CRTC1: variants seen among roughly 807,000 people sequenced by gnomAD.
CRTC1 encodes CREB regulated transcription coactivator 1, also known as CREB-regulated transcription coactivator 1.
CRTC1 carries 18 observed loss-of-function variants against 66.1 expected under a neutral mutation model. The observed-to-expected ratio is 0.27, with a 90% confidence interval of 0.19 to 0.40. The LOEUF (loss-of-function observed/expected upper bound fraction) is 0.40, where lower values mean the gene tolerates loss of function less well. Among genes scored for constraint, CRTC1 ranks in the 10% least tolerant of loss-of-function variants. CRTC1 has a pLI of 1.00. For missense variants in CRTC1, 669 were observed against 887.9 expected (o/e 0.75, Z 3.13); for synonymous variants, 416 against 398.8 (o/e 1.04, Z -0.51).
chr19:18,766,052 A>G (rs2054727552), intron 9 of CRTC1, among the ~76,000 whole-genome samples: 1 of 151,782 alleles, frequency 6.6e-6, no homozygotes, highest in African/African-American at 2.4e-5. Flanking sequence ...GTATGTGTCT[A>G]GGAATTTGTC....
chr19:18,774,829 G>A (rs891528056), intron 11 of CRTC1, 71 bp from the exon 12 acceptor site: 11 of 1,454,122 alleles, frequency 7.6e-6, no homozygotes, highest in African/African-American at 2.8e-5. Context: ...TCTTCCAGCC[G>A]GGCTTGGGAG....
At chr19:18,774,372 G>T (rs1329247705) in intron 11 of CRTC1, among the ~76,000 whole-genome samples, 1 of 152,248 alleles carries the variant, frequency 6.6e-6, no homozygotes, top group Non-Finnish European at 1.5e-5. Flanking sequence ...CAGGCTGGCA[G>T]CCCTGGGCAG....
At chr19:18,733,334 C>T (rs577352223) in intron 1 of CRTC1, among the ~76,000 whole-genome samples, 48 of 152,324 alleles carry the variant, frequency 3.2e-4, no homozygotes, top group Admixed American at 1.8e-3. Flanking sequence ...TGTGTGCGCT[C>T]AGCCCCCGAG....
intron 4 of CRTC1, 103 bp downstream of exon 4, chr19:18,747,217 A>C: frequency 1.3e-5 from 11 of 825,222 alleles, no homozygotes; most frequent in Non-Finnish European, 2.1e-5. Context: ...CGCTTAAACA[A>C]TGACCAAACT....
chr19:18,744,990 C>G (rs539083990), intron 2 of CRTC1, among the ~76,000 whole-genome samples: 1 of 152,300 alleles, frequency 6.6e-6, no homozygotes, highest in Admixed American at 6.5e-5. Flanking sequence ...GCCAGATGGC[C>G]GGACTGGGGG....
At chr19:18,711,142 C>T (rs2053381416) in intron 1 of CRTC1, among the ~76,000 whole-genome samples, 1 of 152,170 alleles carries the variant, frequency 6.6e-6, no homozygotes, top group South Asian at 2.1e-4. Flanking sequence ...TTTGCTTGGC[C>T]ACATGCGGCA....
At chr19:18,722,076 T>C (rs1476825110) in intron 1 of CRTC1, among the ~76,000 whole-genome samples, 1 of 152,136 alleles carries the variant, frequency 6.6e-6, no homozygotes, top group East Asian at 1.9e-4. Flanking sequence ...GGCTGTGGGT[T>C]TTGGGGATAT....
In CRTC1 at chr19:18,711,298, G is replaced by A. The variant is rs139996905; in HGVS notation, c.126+27470G>A. Reference sequence around the variant, plus strand: ...CACAGCTGCTGACCCAGAGTGAGGGGCAGTGGGACGCGTTGGCCTTGGCGG... The same window carrying A: ...CACAGCTGCTGACCCAGAGTGAGGGACAGTGGGACGCGTTGGCCTTGGCGG... On this transcript the variant is annotated intron_variant, in intron 1 of 13. Transcript: ENST00000321949. Among the ~76,000 whole-genome samples, 421 of 152,180 alleles carry A rather than the reference G, an allele frequency of 2.8e-3. 2 individuals are homozygous for A. Among genetic ancestry groups the A allele is most frequent in the African/African-American group, 9.3e-3 (387 of 41,546 alleles).
At chr19:18,699,590 C>T (rs911599563) in intron 1 of CRTC1, among the ~76,000 whole-genome samples, 1 of 152,120 alleles carries the variant, frequency 6.6e-6, no homozygotes, top group Admixed American at 6.6e-5. Flanking sequence ...GTGAGCTGGC[C>T]CCGGAGACAC....
chr19:18,770,295 G>A (rs1045888676), intron 10 of CRTC1, among the ~76,000 whole-genome samples: 7 of 152,182 alleles, frequency 4.6e-5, no homozygotes, highest in East Asian at 1.9e-4. Flanking sequence ...TTCGTCCCTC[G>A]AGCAGGTGGA....
chr19:18,694,937 CT>C (rs2052949015), intron 1 of CRTC1, among the ~76,000 whole-genome samples: 1 of 150,584 alleles, frequency 6.6e-6, no homozygotes, highest in South Asian at 2.1e-4. Flanking sequence ...CCTATAAGAT[CT>C]TGGCTCACTG....
intron 6 of CRTC1, among the ~76,000 whole-genome samples, chr19:18,757,163 C>A (rs2054508260): frequency 6.6e-6 from 1 of 152,108 alleles, no homozygotes; most frequent in South Asian, 2.1e-4. Flanking sequence ...CCCAGGGCCC[C>A]AGGGGCGGAA....
chr19:18,756,351 A>AC (rs1260130506), intron 6 of CRTC1, among the ~76,000 whole-genome samples: 7 of 150,588 alleles, frequency 4.6e-5, no homozygotes, highest in Middle Eastern at 3.4e-3. Flanking sequence ...AAAAAAAAAA[A>AC]AAAACTCTAG....
intron 1 of CRTC1, among the ~76,000 whole-genome samples, chr19:18,691,987 A>G (rs2052851434): frequency 6.6e-6 from 1 of 152,088 alleles, no homozygotes; most frequent in South Asian, 2.1e-4. Flanking sequence ...TGCTGGGATT[A>G]CAGGTGTGAG....
chr19:18,689,650 C>T (rs2052781910), intron 1 of CRTC1, among the ~76,000 whole-genome samples: 1 of 132,862 alleles, frequency 7.5e-6, no homozygotes, highest in Admixed American at 8.3e-5. Context: ...TAAGTTTATT[C>T]CCAGTGTGGT....
At chr19:18,756,351 A>AAC (rs1555786052) in intron 6 of CRTC1, among the ~76,000 whole-genome samples, 22 of 150,588 alleles carry the variant, frequency 1.5e-4, no homozygotes, top group African/African-American at 5.1e-4. Context: ...AAAAAAAAAA[A>AAC]AAAACTCTAG....
rs777104074 is a variant in CRTC1 at position 18,760,204 on chromosome 19, C to T, written c.862C>T (p.Leu288=). The T allele has an allele frequency of 1.2e-6, 2 of 1,610,944 alleles. No homozygotes were observed. The highest frequency in any genetic ancestry group is 1.1e-5 in the South Asian group (1 of 90,918). The change falls in exon 8 of 14, where the codon CTG becomes TTG. Residue 288 remains leucine, a synonymous_variant. Transcript: ENST00000321949. The surrounding 1 kb of genome is among the most constrained non-coding windows in gnomAD (Gnocchi z 6.2). ...CAACCTCGCGGCCAACCTGACGCAC[C>T]TGGGCATCGGTGGCGCCGGCCAGGG... ...TGNLAANLTH[L]GIGGAGQGMS... is the part of the protein sequence containing the mutation.
chr19:18,744,286 T>C, intron 2 of CRTC1: 1 of 806,364 alleles, frequency 1.2e-6, no homozygotes, highest in Non-Finnish European at 1.9e-6. Flanking sequence ...GAGGTGGAGG[T>C]GTCCCGTCCG....
chr19:18,703,069 A>G (rs1010160848), intron 1 of CRTC1, among the ~76,000 whole-genome samples: 1 of 149,050 alleles, frequency 6.7e-6, no homozygotes, highest in African/African-American at 2.5e-5. Context: ...TGTAAGCTCC[A>G]CCTCCTGGGT....
Sources: gnomAD v4.1 joint callset for allele counts (sites outside exome capture counted in the v4.1 genomes callset) on GRCh38, gnomAD v4.1.1 for gene constraint, Gnocchi (gnomAD v3.1) non-coding constraint, MANE v1.5 for transcripts, NCBI Gene and HGNC (gene_info 2026-07-23, HGNC 2026-07-21) for gene names.